Variants in PRRX1 observed in about 807,000 individuals in gnomAD.
The protein encoded by PRRX1 is paired related homeobox 1, also known as paired mesoderm homeobox protein 1.
Under a neutral mutation model 24.0 loss-of-function variants are expected in PRRX1, and 8 were observed. That is an observed-to-expected ratio of 0.33 (90% CI 0.20 to 0.60). PRRX1 has a LOEUF of 0.60. Ranked by LOEUF, PRRX1 falls within the 20% of genes least tolerant of loss-of-function variation. PRRX1 has a pLI of 0.82. For synonymous variants in PRRX1, 160 were observed against 131.7 expected (o/e 1.22, Z -1.47); for missense variants, 281 against 322.4 (o/e 0.87, Z 0.98).
chr1:170,664,108 C>CTCTCTCTCA, upstream of PRRX1: 1 of 636,242 alleles, frequency 1.6e-6, no homozygotes, highest in Non-Finnish European at 2.3e-6. Context: ...TCTCTCTCTC[C>CTCTCTCTCA]ACTACCCCCC....
chr1:170,671,340 G>T (rs1197670739), intron 1 of PRRX1, among the ~76,000 whole-genome samples: 1 of 152,210 alleles, frequency 6.6e-6, no homozygotes, highest in Non-Finnish European at 1.5e-5. Context: ...GAATTTTAAC[G>T]TTGAAAACAG....
chr1:170,726,509 C>G lies in PRRX1; in HGVS notation c.599+108C>G, dbSNP rs1441724816. 3.7e-6 allele frequency: 5 copies of G among 1,340,330 alleles called. No individual in the cohort carries two copies. In the South Asian group the frequency reaches 6.4e-5, roughly 17 times the overall value. The allele number at this position is 1,340,330 out of a possible 1,614,324, so 83.0% of individuals were successfully genotyped here. On this transcript the variant is annotated intron_variant, in intron 3 of 3. Transcript: ENST00000239461. ...CACCGACATTTCTTACTGGGTTAAT[C>G]TCTTCAGAGACATTCAACTTGCTGA...
upstream of PRRX1, chr1:170,664,065 CT>C: frequency 2.7e-6 from 2 of 753,346 alleles, no homozygotes; most frequent in Non-Finnish European, 4.1e-6. Flanking sequence ...TTTGGCCTTC[CT>C]CTCCTTCCCT....
At chr1:170,700,290 G>T (rs190306551) in intron 1 of PRRX1, among the ~76,000 whole-genome samples, 129 of 152,268 alleles carry the variant, frequency 8.5e-4, no homozygotes, top group Non-Finnish European at 1.5e-3. Flanking sequence ...GGTGTTTCTA[G>T]CTAGTATAGA....
chr1:170,723,601 C>G (rs10919453), intron 2 of PRRX1, among the ~76,000 whole-genome samples: 7,182 of 152,292 alleles, frequency 0.047, 248 homozygotes, highest in Middle Eastern at 0.13. Flanking sequence ...ATGTCCTTGA[C>G]TTCAGAAACT....
chr1:170,732,543 C>T (rs1655465984), intron 3 of PRRX1, among the ~76,000 whole-genome samples: 1 of 152,172 alleles, frequency 6.6e-6, no homozygotes, highest in African/African-American at 2.4e-5. Flanking sequence ...GCCTGTATGG[C>T]ACCCTTAGCT....
rs567090874 is a variant in PRRX1 at position 170,737,969 on chromosome 1, A to C, written c.*1783A>C. 11 of 218,454 alleles carry C rather than the reference A, an allele frequency of 5.0e-5. No individual in the cohort carries two copies. The South Asian group carries it at 2.0e-3, about 40-fold the overall frequency. The allele number at this position is 218,454 out of a possible 1,614,324, so 13.5% of individuals were successfully genotyped here. On this transcript the variant is annotated 3_prime_UTR_variant, in exon 4 of 4. Transcript: ENST00000239461. ...TACCTGAAAGCCTTGTTTTCTAGTAAGAAAATGCTACCTTGCTGTACATAC... is the reference window on the plus strand; with the variant it reads ...TACCTGAAAGCCTTGTTTTCTAGTACGAAAATGCTACCTTGCTGTACATAC...
chr1:170,718,548 C>T (rs1654976356), intron 1 of PRRX1, among the ~76,000 whole-genome samples: 1 of 152,174 alleles, frequency 6.6e-6, no homozygotes, highest in Non-Finnish European at 1.5e-5. Flanking sequence ...TAGTGAATGG[C>T]CAAGCTCTCC....
chr1:170,672,447 G>A (rs1039734686), intron 1 of PRRX1, among the ~76,000 whole-genome samples: 4 of 152,166 alleles, frequency 2.6e-5, no homozygotes, highest in African/African-American at 9.7e-5. Context: ...TCCCACAAAC[G>A]TTTGTCTGAG....
At chr1:170,730,361 A>AG in intron 3 of PRRX1, 12 of 1,593,986 alleles carry the variant, frequency 7.5e-6, no homozygotes, top group Non-Finnish European at 1.0e-5. Flanking sequence ...AACTTGTCAG[A>AG]GGGGGAAGAG....
At chr1:170,717,089 C>T (rs1170593412) in intron 1 of PRRX1, among the ~76,000 whole-genome samples, 1 of 152,220 alleles carries the variant, frequency 6.6e-6, no homozygotes, top group Non-Finnish European at 1.5e-5. Context: ...GAGCCAGACT[C>T]CCTGGATCCC....
chr1:170,706,842 G>T (rs1248748029), intron 1 of PRRX1, among the ~76,000 whole-genome samples: 4 of 152,138 alleles, frequency 2.6e-5, no homozygotes, highest in African/African-American at 9.7e-5. Flanking sequence ...CAAACCAGAA[G>T]TCTCAGCAGG....
chr1:170,675,732 A>G (rs1006775401), intron 1 of PRRX1, among the ~76,000 whole-genome samples: 2 of 152,140 alleles, frequency 1.3e-5, no homozygotes, highest in Non-Finnish European at 2.9e-5. Flanking sequence ...TCTATGTAAA[A>G]ATTTTTCCCA....
intron 1 of PRRX1, among the ~76,000 whole-genome samples, chr1:170,705,350 T>C (rs1654523229): frequency 3.9e-5 from 6 of 152,210 alleles, no homozygotes. Context: ...GGCACAATCA[T>C]GGCCTCAGTG....
intron 1 of PRRX1, among the ~76,000 whole-genome samples, chr1:170,664,795 G>T (rs1341299997): frequency 6.6e-6 from 1 of 152,236 alleles, no homozygotes; most frequent in Non-Finnish European, 1.5e-5. Flanking sequence ...GGGCGGCGGG[G>T]CTGGGCTGGG....
chr1:170,679,200 G>T (rs756176377), intron 1 of PRRX1, among the ~76,000 whole-genome samples: 7 of 152,178 alleles, frequency 4.6e-5, no homozygotes, highest in Admixed American at 1.3e-4. Flanking sequence ...TTATCATGGT[G>T]CTTTTTATAT....
At chr1:170,710,372 C>T (rs763466260) in intron 1 of PRRX1, among the ~76,000 whole-genome samples, 5 of 152,116 alleles carry the variant, frequency 3.3e-5, no homozygotes, top group Non-Finnish European at 7.4e-5. Context: ...TACAATTATG[C>T]CAGTTAGGAC....
chr1:170,683,601 T>C (rs963192745), intron 1 of PRRX1, among the ~76,000 whole-genome samples: 5 of 152,278 alleles, frequency 3.3e-5, no homozygotes, highest in Middle Eastern at 3.4e-3. Context: ...GGGTATGAAA[T>C]AGGAGCAATT....
At chr1:170,724,284 T>G (rs1655182274) in intron 2 of PRRX1, among the ~76,000 whole-genome samples, 1 of 152,232 alleles carries the variant, frequency 6.6e-6, no homozygotes, top group Non-Finnish European at 1.5e-5. Context: ...CAGAAGCTCT[T>G]TAATTAGATC....
Sources: gnomAD v4.1 joint callset for allele counts (sites outside exome capture counted in the v4.1 genomes callset) on GRCh38, gnomAD v4.1.1 for gene constraint, MANE v1.5 for transcripts, NCBI Gene and HGNC (gene_info 2026-07-23, HGNC 2026-07-21) for gene names.